The following FANK1 variants were observed in gnomAD, a reference collection of about 807,000 sequenced individuals.
The protein encoded by FANK1 is fibronectin type 3 and ankyrin repeat domains protein 1.
In FANK1, 44 loss-of-function variants were observed where a neutral mutation model predicts 45.3. That is an observed-to-expected ratio of 0.97 (90% CI 0.76 to 1.25). The LOEUF (loss-of-function observed/expected upper bound fraction) is 1.25, where lower values mean the gene tolerates loss of function less well. Among genes scored for constraint, FANK1 ranks in the 50% most tolerant of loss-of-function variants. FANK1 has a pLI of 0.00. For missense variants in FANK1, 391 were observed against 424.4 expected (o/e 0.92, Z 0.69); for synonymous variants, 149 against 152.5 (o/e 0.98, Z 0.17).
At chr10:125,971,003 C>T (rs1390616167) in intron 1 of FANK1, among the ~76,000 whole-genome samples, 1 of 152,158 alleles carries the variant, frequency 6.6e-6, no homozygotes, top group Non-Finnish European at 1.5e-5. Context: ...CTTACCTCTC[C>T]TTGCAACTTT....
chr10:125,914,868 C>T (rs565951871), intron 1 of FANK1, among the ~76,000 whole-genome samples: 10 of 151,840 alleles, frequency 6.6e-5, no homozygotes, highest in South Asian at 6.4e-4. Flanking sequence ...GACTTAGGTG[C>T]GGAGGGGATG....
At chr10:126,000,157 C>T (rs1952651163) in intron 6 of FANK1, among the ~76,000 whole-genome samples, 2 of 152,274 alleles carry the variant, frequency 1.3e-5, no homozygotes, top group South Asian at 4.1e-4. Flanking sequence ...GCCAGAATGG[C>T]AAGATTGACT....
At chr10:125,905,020 A>G (rs1393277207) in intron 1 of FANK1, among the ~76,000 whole-genome samples, 10 of 151,250 alleles carry the variant, frequency 6.6e-5, no homozygotes, top group Non-Finnish European at 2.9e-5. Context: ...AGTCCCAGCT[A>G]CCAGGGAGGC....
At chr10:126,004,793 A>T in intron 6 of FANK1, 91 bp from the exon 7 acceptor site, 1 of 1,344,042 alleles carries the variant, frequency 7.4e-7, no homozygotes, top group South Asian at 1.3e-5. Flanking sequence ...TCAAGTTAGG[A>T]TTTCTTGGTT....
At chr10:125,993,114 T>G (rs1952057039) in intron 3 of FANK1, among the ~76,000 whole-genome samples, 1 of 152,192 alleles carries the variant, frequency 6.6e-6, no homozygotes, top group Non-Finnish European at 1.5e-5. Flanking sequence ...TTAAAAGCAC[T>G]GGGTAAAAAG....
intron 1 of FANK1, among the ~76,000 whole-genome samples, chr10:125,952,712 A>C (rs1015976669): frequency 3.9e-4 from 59 of 150,790 alleles, no homozygotes; most frequent in African/African-American, 1.3e-3. Context: ...CTCCTGTGGA[A>C]TGGTACCTTG....
intron 1 of FANK1, among the ~76,000 whole-genome samples, chr10:125,943,241 A>C (rs1485224816): frequency 6.6e-6 from 1 of 152,172 alleles, no homozygotes; most frequent in East Asian, 1.9e-4. Context: ...ATCAGGAATC[A>C]GACATTTTTC....
At chr10:125,948,313 C>G (rs1417777106) in intron 1 of FANK1, among the ~76,000 whole-genome samples, 1 of 152,052 alleles carries the variant, frequency 6.6e-6, no homozygotes, top group Non-Finnish European at 1.5e-5. Context: ...TCAAAAAAAT[C>G]AATGAATCCA....
intron 7 of FANK1, among the ~76,000 whole-genome samples, chr10:126,007,651 C>A (rs916453522): frequency 6.6e-6 from 1 of 151,608 alleles, no homozygotes; most frequent in African/African-American, 2.4e-5. Context: ...CGTGCACGTG[C>A]TCATGTGTGC....
At chr10:125,984,282 C>A (rs114157902) in intron 2 of FANK1, among the ~76,000 whole-genome samples, 2,217 of 152,292 alleles carry the variant, frequency 0.015, 60 homozygotes, top group African/African-American at 0.05. Flanking sequence ...GTCACTGTAG[C>A]AGGGGAGAGA....
intron 1 of FANK1, among the ~76,000 whole-genome samples, chr10:125,940,202 G>A (rs12779548): frequency 0.13 from 19,398 of 152,060 alleles, 1,795 homozygotes; most frequent in Admixed American, 0.31. Context: ...CCAGGAGACC[G>A]GTGCTCAGCA....
chr10:125,916,352 ATCTATAAAAAGTAG>A (rs1946445580), intron 1 of FANK1, among the ~76,000 whole-genome samples: 2 of 152,228 alleles, frequency 1.3e-5, no homozygotes, highest in Non-Finnish European at 2.9e-5. Flanking sequence ...TAGAATTCTC[ATCTATAAAAAGTAG>A]GTACTGTCAG....
At chr10:125,984,859 A>G (rs555578338) in intron 2 of FANK1, among the ~76,000 whole-genome samples, 32 of 152,354 alleles carry the variant, frequency 2.1e-4, no homozygotes, top group Non-Finnish European at 4.0e-4. Flanking sequence ...AAGTCACTCT[A>G]AGATTCATTT....
intron 1 of FANK1, among the ~76,000 whole-genome samples, chr10:125,965,027 G>T (rs953264527): frequency 6.6e-6 from 1 of 152,172 alleles, no homozygotes; most frequent in African/African-American, 2.4e-5. Flanking sequence ...GTGTGGTGGT[G>T]CATGCCTATA....
intron 1 of FANK1, among the ~76,000 whole-genome samples, chr10:125,977,340 A>G (rs1950914188): frequency 6.6e-6 from 1 of 151,830 alleles, no homozygotes; most frequent in Non-Finnish European, 1.5e-5. Flanking sequence ...CTCTGGTTTC[A>G]GAGGGGGGTA....
At chr10:125,918,326 G>A (rs77222677) in intron 1 of FANK1, among the ~76,000 whole-genome samples, 1 of 151,988 alleles carries the variant, frequency 6.6e-6, no homozygotes, top group African/African-American at 2.4e-5. Flanking sequence ...GGGAGGCTGA[G>A]GCAGGCAGAT....
chr10:125,945,362 G>C (rs1336791555), intron 1 of FANK1, among the ~76,000 whole-genome samples: 1 of 152,204 alleles, frequency 6.6e-6, no homozygotes, highest in Non-Finnish European at 1.5e-5. Context: ...ACTAGGGAGT[G>C]CCAGACAGTG....
At chr10:125,986,223 G>A (rs931078050) in intron 2 of FANK1, among the ~76,000 whole-genome samples, 14 of 152,130 alleles carry the variant, frequency 9.2e-5, no homozygotes, top group African/African-American at 3.4e-4. Context: ...CACAGAGCAG[G>A]GAGGCAGAGA....
Position 125,997,480 on chromosome 10 carries a change from G to GGA in FANK1, c.535_536dup (p.Asp179GlufsTer4). ...TGAATCTGAAGAATGGAAGTGGCAAGGACAGGTAGGAGGTGGGATATGACT... is the reference window on the plus strand; with the variant it reads ...TGAATCTGAAGAATGGAAGTGGCAAGGAGACAGGTAGGAGGTGGGATATGACT... On this transcript the variant is annotated frameshift_variant, in exon 6 of 11. Transcript: ENST00000368693. LOFTEE classifies it high-confidence loss of function. 1 of 1,613,660 alleles carries GGA rather than the reference G, an allele frequency of 6.2e-7. No individual in the cohort carries two copies. Among genetic ancestry groups the GGA allele is most frequent in the Non-Finnish European group, 8.5e-7 (1 of 1,179,786 alleles).
Sources: gnomAD v4.1 joint callset for allele counts (sites outside exome capture counted in the v4.1 genomes callset) on GRCh38, gnomAD v4.1.1 for gene constraint, MANE v1.5 for transcripts, NCBI Gene and HGNC (gene_info 2026-07-23, HGNC 2026-07-21) for gene names.